The following PTPRD variants were observed in gnomAD, a reference collection of about 807,000 sequenced individuals.
PTPRD encodes receptor-type tyrosine-protein phosphatase delta.
In PTPRD, 34 loss-of-function variants were observed where a neutral mutation model predicts 214.5. The ratio of observed to expected loss-of-function variants is 0.16; its 90% CI spans 0.12 to 0.21. The LOEUF (loss-of-function observed/expected upper bound fraction) is 0.21, where lower values mean the gene tolerates loss of function less well. Ranked by LOEUF, PTPRD falls within the 10% of genes least tolerant of loss-of-function variation. The pLI is 1.00. For synonymous variants in PTPRD, 1,128 were observed against 845.7 expected (o/e 1.33, Z -5.79); for missense variants, 2,545 against 2,398.7 (o/e 1.06, Z -1.27).
intron 3 of PTPRD, among the ~76,000 whole-genome samples, chr9:10,060,897 C>CTTCTTTCTTTCTTTCT (rs369686972): frequency 2.8e-5 from 2 of 70,560 alleles, no homozygotes; most frequent in Non-Finnish European, 4.4e-5. Context: ...TCCTTCCTTC[C>CTTCTTTCTTTCTTTCT]TTCTTTCTTT....
chr9:10,032,053 G>A (rs1002902246), intron 4 of PTPRD, among the ~76,000 whole-genome samples: 3 of 152,156 alleles, frequency 2.0e-5, no homozygotes, highest in African/African-American at 7.2e-5. Context: ...TTTTGGAGTT[G>A]AACTGAGGAT....
chr9:10,551,458 G>A (rs1429729984), intron 2 of PTPRD, among the ~76,000 whole-genome samples: 2 of 152,126 alleles, frequency 1.3e-5, no homozygotes, highest in Non-Finnish European at 2.9e-5. Flanking sequence ...GACCCTGAAG[G>A]TGACAGTATT....
At chr9:10,341,525 T>C (rs896022976) in intron 2 of PTPRD, among the ~76,000 whole-genome samples, 1 of 151,956 alleles carries the variant, frequency 6.6e-6, no homozygotes, top group African/African-American at 2.4e-5. Flanking sequence ...TTCATATGGA[T>C]GAGTTATGTC....
chr9:9,509,182 G>A (rs554445713), intron 8 of PTPRD, among the ~76,000 whole-genome samples: 1 of 151,658 alleles, frequency 6.6e-6, no homozygotes, highest in Admixed American at 6.6e-5. Context: ...TTGCTGGGTT[G>A]TATTTTTTTC....
At chr9:8,579,279 T>C (rs1033887366) in intron 14 of PTPRD, among the ~76,000 whole-genome samples, 1 of 152,234 alleles carries the variant, frequency 6.6e-6, no homozygotes, top group African/African-American at 2.4e-5. Flanking sequence ...TCTTTTCTCT[T>C]GGATCTAATG....
At chr9:9,465,775 T>C (rs10977785) in intron 8 of PTPRD, among the ~76,000 whole-genome samples, 23,923 of 152,010 alleles carry the variant, frequency 0.16, 2,043 homozygotes, top group Middle Eastern at 0.28. Flanking sequence ...TATTGTTACA[T>C]CTATGTCAGG....
chr9:10,364,001 T>TTTTTTTTTG lies in PTPRD; in HGVS notation c.-599-22985_-599-22984insCAAAAAAAA, dbSNP rs1565557078. ...CCTCCACATTTTCGGGTTTTTTTTT[T>TTTTTTTTTG]TTTTTTTTTTTTTTTTGAGATGGAG... is the stretch of plus-strand genomic sequence containing the variant. On this transcript the variant is annotated intron_variant, in intron 2 of 45. Coordinates refer to ENST00000381196, the MANE Select transcript of PTPRD (RefSeq NM_002839.4). Among the ~76,000 whole-genome samples the TTTTTTTTTG allele has an allele frequency of 4.9e-5, 6 of 123,310 alleles. 1 individual carries two copies. Among genetic ancestry groups the TTTTTTTTTG allele is most frequent in the East Asian group, 4.9e-4 (2 of 4,044 alleles). The allele number at this position is 123,310 out of a possible 152,430, so 80.9% of individuals were successfully genotyped here. A position where few individuals can be genotyped will look rare whatever the true frequency, so the allele number is the denominator to read the frequency against.
chr9:8,651,327 C>G (rs1433535289), intron 12 of PTPRD, among the ~76,000 whole-genome samples: 1 of 152,076 alleles, frequency 6.6e-6, no homozygotes, highest in Non-Finnish European at 1.5e-5. Context: ...TGGTTCTATG[C>G]TCGGGCTCTG....
At chr9:10,431,212 T>C (rs4740451) in intron 2 of PTPRD, among the ~76,000 whole-genome samples, 16,220 of 151,982 alleles carry the variant, frequency 0.11, 1,600 homozygotes, top group East Asian at 0.56. Context: ...GTTTGAAAGG[T>C]TTCTTTCCAG....
At chr9:9,039,150 C>T (rs568212588) in intron 10 of PTPRD, among the ~76,000 whole-genome samples, 1 of 152,172 alleles carries the variant, frequency 6.6e-6, no homozygotes, top group East Asian at 1.9e-4. Flanking sequence ...CAAAGCTATA[C>T]CTTAAACAGG....
At chr9:8,385,882 C>T (rs1217825234) in intron 37 of PTPRD, among the ~76,000 whole-genome samples, 14 of 152,110 alleles carry the variant, frequency 9.2e-5, no homozygotes, top group Admixed American at 8.5e-4. Context: ...GTGTGCCACA[C>T]TGGGAAACGT....
chr9:9,499,553 ATT>A (rs2096329922), intron 8 of PTPRD, among the ~76,000 whole-genome samples: 1 of 152,040 alleles, frequency 6.6e-6, no homozygotes, highest in Non-Finnish European at 1.5e-5. Context: ...TTAAGACATT[ATT>A]TTTGCTGGTA....
chr9:9,746,501 T>C (rs1041493598), intron 6 of PTPRD, among the ~76,000 whole-genome samples: 10 of 152,156 alleles, frequency 6.6e-5, no homozygotes, highest in African/African-American at 2.4e-4. Flanking sequence ...ACTTCTGTAA[T>C]TGAGAGGAAA....
intron 3 of PTPRD, among the ~76,000 whole-genome samples, chr9:10,142,000 C>T (rs937304000): frequency 6.6e-6 from 1 of 152,060 alleles, no homozygotes; most frequent in Non-Finnish European, 1.5e-5. Context: ...CTTTGACAAA[C>T]CTGACCAAAA....
Position 9,750,960 on chromosome 9 carries a change from G to C in PTPRD, c.-326+15850C>G, listed in dbSNP as rs369385194. ...CTTCACATGTCGCAATCATTAAAGTGCATTAAATCATCACTGGAGAAAGAA... is the reference window on the plus strand; with the variant it reads ...CTTCACATGTCGCAATCATTAAAGTCCATTAAATCATCACTGGAGAAAGAA... On this transcript the variant is annotated intron_variant, in intron 6 of 45. Transcript: ENST00000381196. 8.5e-5 allele frequency among the ~76,000 whole-genome samples: 13 copies of C among 152,178 alleles called. No individual in the cohort carries two copies. The South Asian group carries it at 2.1e-3, about 24-fold the overall frequency.
intron 11 of PTPRD, among the ~76,000 whole-genome samples, chr9:8,914,007 C>T (rs537862230): frequency 2.0e-5 from 3 of 152,196 alleles, no homozygotes; most frequent in South Asian, 4.1e-4. Flanking sequence ...TCTCAGAGAA[C>T]GGTCAGTTTG....
chr9:10,078,467 G>C (rs1316955201), intron 3 of PTPRD, among the ~76,000 whole-genome samples: 3 of 129,434 alleles, frequency 2.3e-5, no homozygotes, highest in Non-Finnish European at 3.1e-5. Context: ...AGTGAGCCAA[G>C]ATCATGCCAC....
intron 2 of PTPRD, among the ~76,000 whole-genome samples, chr9:10,538,353 T>C (rs1267833295): frequency 6.6e-6 from 1 of 151,988 alleles, no homozygotes; most frequent in East Asian, 1.9e-4. Context: ...ACATTTTCTG[T>C]TCTCAATGAC....
chr9:9,821,062 C>T (rs377226512), intron 5 of PTPRD, among the ~76,000 whole-genome samples: 9 of 152,038 alleles, frequency 5.9e-5, no homozygotes, highest in Non-Finnish European at 1.2e-4. Context: ...TATATTGCTT[C>T]GGGCAGTATG....
Sources: allele counts gnomAD v4.1 joint callset (sites outside exome capture counted in the v4.1 genomes callset), GRCh38; gene constraint gnomAD v4.1.1; transcripts MANE v1.5; gene names NCBI Gene and HGNC (gene_info 2026-07-23, HGNC 2026-07-21).